MYO15B: variants seen among roughly 807,000 people sequenced by gnomAD.
The protein encoded by MYO15B is myosin XVB.
Under a neutral mutation model 119.3 loss-of-function variants are expected in MYO15B, and 207 were observed. The observed-to-expected ratio is 1.73, with a 90% confidence interval of 1.55 to 1.95. The LOEUF is 1.95. MYO15B is among the 30% of genes most tolerant of loss of function. The pLI is 0.00. For missense variants in MYO15B, 2,264 were observed against 1,203.1 expected (o/e 1.88, Z -13.04); for synonymous variants, 966 against 498.9 (o/e 1.94, Z -12.48).
At chr17:75,621,853 C>T (rs1297847256) in intron 52 of MYO15B, 151 bp from the exon 53 acceptor site, 15 of 621,652 alleles carry the variant, frequency 2.4e-5, no homozygotes, top group South Asian at 5.5e-5. Flanking sequence ...CCCCATGAGT[C>T]GAGCTGCAAC....
intron 43 of MYO15B, 145 bp downstream of exon 43, chr17:75,618,330 C>T (rs943835235): frequency 1.7e-5 from 11 of 631,502 alleles, no homozygotes; most frequent in African/African-American, 1.4e-4. Flanking sequence ...CCCAGACCTG[C>T]CTTCATTGAA....
At chr17:75,602,256 C>T (rs1183771282) in intron 15 of MYO15B, 6 of 572,362 alleles carry the variant, frequency 1.0e-5, no homozygotes, top group Admixed American at 6.0e-5. Context: ...ACATTCTTGT[C>T]TAGTCAACCT....
rs1346934814 is a variant in MYO15B at position 75,596,671 on chromosome 17, T to C, written c.3394-97T>C. ...GCTCTGCCTGGAAGGCCCCTTTCCA[T>C]GAGGTGTCTCAGTCTTCTGAGCCTC... On this transcript the variant is annotated intron_variant, in intron 13 of 63. Transcript: ENST00000645453. The C allele has an allele frequency of 3.3e-5, 22 of 673,818 alleles. No homozygotes were observed. In the East Asian group the frequency reaches 5.4e-4, roughly 17 times the overall value. 41.7% of individuals were successfully genotyped at this position (673,818 alleles called of 1,614,324 possible).
chr17:75,621,268 C>A, intron 50 of MYO15B, 77 bp from the exon 51 acceptor site: 1 of 662,974 alleles, frequency 1.5e-6, no homozygotes. Flanking sequence ...GTGCTCTTAG[C>A]ACTCTCCCTG....
exon 1 of MYO15B, chr17:75,588,309 G>A (rs2056191295): frequency 1.3e-5 from 5 of 398,364 alleles, no homozygotes; most frequent in Non-Finnish European, 2.2e-5. Context: ...GGGCTGGGCT[G>A]TCCCCGAAAG....
exon 39 of MYO15B, chr17:75,616,527 C>T (rs1207773792): frequency 2.3e-5 from 16 of 702,070 alleles, no homozygotes; most frequent in Admixed American, 1.4e-4. Context: ...TGGTCAGTGC[C>T]GTCCCCTCCT....
chr17:75,616,380 C>G (rs1208649732), exon 38 of MYO15B: 4 of 610,020 alleles, frequency 6.6e-6, no homozygotes, highest in African/African-American at 3.7e-5. Context: ...GGGGGAAGCG[C>G]AGGAGGAGGA....
At chr17:75,599,703 G>A (rs909173451) in intron 14 of MYO15B, among the ~76,000 whole-genome samples, 9 of 151,678 alleles carry the variant, frequency 5.9e-5, no homozygotes, top group Non-Finnish European at 1.3e-4. Flanking sequence ...TCAGGAGATC[G>A]AGACCACAGT....
exon 28 of MYO15B, chr17:75,613,442 G>A (rs764412511): frequency 4.8e-5 from 33 of 681,064 alleles, no homozygotes; most frequent in African/African-American, 1.3e-4. Flanking sequence ...CGGCGGGGCC[G>A]CATGGCGCTG....
chr17:75,619,198 G>A lies in MYO15B; in HGVS notation c.7043G>A (p.Arg2348Gln), dbSNP rs114877414. The change falls in exon 44 of 64, where the codon CGG (arginine) becomes CAG (glutamine). Residue 2348 changes from arginine (R) to glutamine (Q), a missense_variant. Transcript: ENST00000645453. ...ATCCGGATTTCCCAGAATGAGCGGC[G>A]GAAAATGAAAGACCTGCTGGGTATG... 8.5e-4 allele frequency: 595 copies of A among 702,834 alleles called. 3 individuals are homozygous for A. The African/African-American group carries it at 9.2e-3, about 11-fold the overall frequency. 43.5% of individuals were successfully genotyped at this position (702,834 alleles called of 1,614,324 possible).
intron 9 of MYO15B, among the ~76,000 whole-genome samples, chr17:75,593,625 A>C (rs9904026): frequency 0.068 from 10,229 of 151,172 alleles, 393 homozygotes; most frequent in South Asian, 0.078. Flanking sequence ...GAAAAAAAAA[A>C]AAAAACAAAA....
exon 41 of MYO15B, chr17:75,617,232 A>T: frequency 1.4e-6 from 1 of 697,614 alleles, no homozygotes. Context: ...TATTGCCCAC[A>T]CACCCCCACC....
At chr17:75,623,806 A>T (rs575697343) in exon 54 of MYO15B, 1 of 702,932 alleles carries the variant, frequency 1.4e-6, no homozygotes, top group Admixed American at 2.0e-5. Flanking sequence ...AAGCTGAGGG[A>T]TGAGATTTAC....
At chr17:75,592,883 T>G in intron 9 of MYO15B, 43 bp downstream of exon 9, 1 of 688,504 alleles carries the variant, frequency 1.5e-6, no homozygotes, top group East Asian at 2.7e-5. Context: ...GTGCTGGGTC[T>G]GTAGAATCAG....
At chr17:75,611,017 G>A in intron 23 of MYO15B, 58 bp downstream of exon 23, 2 of 702,752 alleles carry the variant, frequency 2.8e-6, no homozygotes, top group South Asian at 1.5e-5. Flanking sequence ...CTGAGACTGG[G>A]ACAGCTTAGA....
intron 15 of MYO15B, chr17:75,602,292 AGT>A (rs1238481593): frequency 1.5e-6 from 1 of 668,068 alleles, no homozygotes; most frequent in African/African-American, 1.8e-5. Flanking sequence ...TTAAAGCCCC[AGT>A]GGGGAGAGTG....
Position 75,614,028 on chromosome 17 carries a change from C to T in MYO15B, c.5220-171C>T, listed in dbSNP as rs1340291868. 34 of 603,090 alleles carry T rather than the reference C, an allele frequency of 5.6e-5. No homozygotes were observed. The East Asian group carries it at 6.3e-4, about 11-fold the overall frequency. 37.4% of individuals were successfully genotyped at this position (603,090 alleles called of 1,614,324 possible). A position where few individuals can be genotyped will look rare whatever the true frequency, so the allele number is the denominator to read the frequency against. ...TGGAGCCCTTGTGGAAGTGGAGGGCCGTGAGGTGAGGAGGGGAGCAGCCCC... is the reference window on the plus strand; with the variant it reads ...TGGAGCCCTTGTGGAAGTGGAGGGCTGTGAGGTGAGGAGGGGAGCAGCCCC... On this transcript the variant is annotated intron_variant, in intron 29 of 63. Transcript: ENST00000645453.
intron 30 of MYO15B, 59 bp downstream of exon 30, chr17:75,614,419 AC>A (rs2058231667): frequency 1.5e-6 from 1 of 675,630 alleles, no homozygotes; most frequent in African/African-American, 1.8e-5. Flanking sequence ...CCCCACAGCC[AC>A]CCTGCCACAC....
At chr17:75,597,381 T>G (rs2056932460) in intron 14 of MYO15B, among the ~76,000 whole-genome samples, 1 of 152,240 alleles carries the variant, frequency 6.6e-6, no homozygotes. Flanking sequence ...GTTTCCCGTT[T>G]CAGCGCGCGT....
Sources: gnomAD v4.1 joint callset for allele counts (sites outside exome capture counted in the v4.1 genomes callset) on GRCh38, gnomAD v4.1.1 for gene constraint, MANE v1.5 for transcripts, NCBI Gene and HGNC (gene_info 2026-07-23, HGNC 2026-07-21) for gene names.